OVCH1: variants seen among roughly 807,000 people sequenced by gnomAD.
The protein encoded by OVCH1 is ovochymase-1.
OVCH1 carries 139 observed loss-of-function variants against 138.4 expected under a neutral mutation model. The observed-to-expected ratio is 1.00, with a 90% CI of 0.87 to 1.16. The LOEUF (loss-of-function observed/expected upper bound fraction) is 1.16. Among genes scored for constraint, OVCH1 ranks in the 50% most tolerant of loss-of-function variants. The pLI, the probability that OVCH1 is intolerant of heterozygous loss-of-function variation, is 0.00. For missense variants in OVCH1, 1,367 were observed against 1,357.9 expected (o/e 1.01, Z -0.11); for synonymous variants, 453 against 467.8 (o/e 0.97, Z 0.41).
At chr12:29,456,127 T>C (rs754473246) in intron 19 of OVCH1, among the ~76,000 whole-genome samples, 3 of 152,230 alleles carry the variant, frequency 2.0e-5, no homozygotes, top group Non-Finnish European at 2.9e-5. Flanking sequence ...TAATTTAACT[T>C]ACTAGGATAT....
downstream of OVCH1, among the ~76,000 whole-genome samples, chr12:29,407,981 C>G (rs549710588): frequency 1.4e-5 from 2 of 142,248 alleles, no homozygotes; most frequent in Non-Finnish European, 3.2e-5. Flanking sequence ...CTTTTATTTC[C>G]TTGAGCAGTG....
At chr12:29,409,518 C>T (rs1008568238), downstream of OVCH1, among the ~76,000 whole-genome samples, 4 of 151,832 alleles carry the variant, frequency 2.6e-5, no homozygotes, top group African/African-American at 7.3e-5. Context: ...TCTTTGTTCT[C>T]ATTGGTTTCA....
At chr12:29,461,434 A>G (rs1433789133) in intron 19 of OVCH1, among the ~76,000 whole-genome samples, 1 of 152,224 alleles carries the variant, frequency 6.6e-6, no homozygotes, top group African/African-American at 2.4e-5. Context: ...TGGAAAATTA[A>G]GTGAGAGTAC....
chr12:29,463,946 T>G (rs918887808), intron 18 of OVCH1, among the ~76,000 whole-genome samples: 1 of 152,194 alleles, frequency 6.6e-6, no homozygotes, highest in Non-Finnish European at 1.5e-5. Flanking sequence ...ACTGTTTTAC[T>G]AAGCCTTTAA....
chr12:29,415,662 C>G (rs893628660), intron 3 of OVCH1, among the ~76,000 whole-genome samples: 3 of 152,072 alleles, frequency 2.0e-5, no homozygotes, highest in Non-Finnish European at 1.5e-5. Flanking sequence ...CAAAGAAGAT[C>G]TAAATAAGTG....
intron 9 of OVCH1, among the ~76,000 whole-genome samples, 187 bp downstream of exon 10, chr12:29,478,648 G>A (rs923838714): frequency 6.6e-6 from 1 of 151,950 alleles, no homozygotes; most frequent in African/African-American, 2.4e-5. Context: ...TAGAATAAAA[G>A]AAATTTTATT....
chr12:29,416,075 A>G (rs1941027052), intron 3 of OVCH1, among the ~76,000 whole-genome samples: 1 of 83,276 alleles, frequency 1.2e-5, no homozygotes. Context: ...ACCACAAAAA[A>G]AGCAAAAAAA....
downstream of OVCH1, among the ~76,000 whole-genome samples, chr12:29,409,595 A>G (rs933209554): frequency 1.3e-5 from 2 of 151,988 alleles, no homozygotes; most frequent in African/African-American, 4.8e-5. Flanking sequence ...CAGGTTGTTC[A>G]GTTTCTCTGT....
downstream of OVCH1, among the ~76,000 whole-genome samples, chr12:29,425,760 A>C (rs1941170568): frequency 6.6e-6 from 1 of 152,214 alleles, no homozygotes; most frequent in African/African-American, 2.4e-5. Context: ...ATAATGGTAA[A>C]TATTTAATAA....
At chr12:29,492,996 C>T (rs1943313212) in intron 4 of OVCH1, among the ~76,000 whole-genome samples, 1 of 152,148 alleles carries the variant, frequency 6.6e-6, no homozygotes, top group East Asian at 1.9e-4. Flanking sequence ...AATTTAGCAA[C>T]ATAGAGGTCA....
chr12:29,446,282 G>C (rs11608561), intron 22 of OVCH1, among the ~76,000 whole-genome samples: 2,074 of 152,130 alleles, frequency 0.014, 26 homozygotes, highest in Non-Finnish European at 0.021. Context: ...GAGGAGATTA[G>C]AGCCAAGAAA....
the OVCH1 span, among the ~76,000 whole-genome samples, chr12:29,407,198 GGATATTA>G: frequency 6.9e-6 from 1 of 145,294 alleles, no homozygotes; most frequent in Non-Finnish European, 1.5e-5. Flanking sequence ...TGTAGATTCT[GGATATTA>G]GCCCTTTGTC....
chr12:29,485,969 AAAATAAATAAATAAAT>A (rs60243865), intron 8 of OVCH1, among the ~76,000 whole-genome samples: 52 of 136,358 alleles, frequency 3.8e-4, no homozygotes, highest in South Asian at 3.7e-3. Flanking sequence ...AAAATAAAAT[AAAATAAATAAATAAAT>A]AAATAAATAA....
chr12:29,436,456 C>T (rs1052168921), intron 26 of OVCH1, among the ~76,000 whole-genome samples: 20 of 152,104 alleles, frequency 1.3e-4, no homozygotes, highest in African/African-American at 4.8e-4. Flanking sequence ...TTTAAAAAGG[C>T]CAAATATTAT....
At chr12:29,418,919 A>G (rs946182432) in intron 3 of OVCH1, among the ~76,000 whole-genome samples, 1 of 152,226 alleles carries the variant, frequency 6.6e-6, no homozygotes, top group South Asian at 2.1e-4. Context: ...GTACACAGGT[A>G]TAATCATAGC....
intron 14 of OVCH1, 35 bp downstream of exon 14, chr12:29,475,026 A>G (rs1205612434): frequency 1.9e-6 from 3 of 1,559,350 alleles, no homozygotes; most frequent in Admixed American, 1.9e-5. Context: ...ATTTGCATAA[A>G]CAAAAGTCCT....
At chr12:29,490,033 G>A (rs936214430) in intron 5 of OVCH1, among the ~76,000 whole-genome samples, 3 of 152,032 alleles carry the variant, frequency 2.0e-5, no homozygotes, top group African/African-American at 4.8e-5. Flanking sequence ...TTCCCCAAAA[G>A]AGGAAAACTT....
intron 9 of OVCH1, among the ~76,000 whole-genome samples, chr12:29,478,311 G>C (rs1242066436): frequency 1.3e-5 from 2 of 152,178 alleles, no homozygotes; most frequent in Non-Finnish European, 2.9e-5. Context: ...AGTGCTGGTA[G>C]AGATTATCTC....
At chr12:29,459,441 A>G (rs1217725022) in intron 19 of OVCH1, among the ~76,000 whole-genome samples, 3 of 152,162 alleles carry the variant, frequency 2.0e-5, no homozygotes, top group African/African-American at 7.2e-5. Flanking sequence ...TCAAAACAAC[A>G]TAACTCATGG....
Sources: allele counts gnomAD v4.1 joint callset (sites outside exome capture counted in the v4.1 genomes callset), GRCh38; gene constraint gnomAD v4.1.1; transcripts MANE v1.5; gene names NCBI Gene and HGNC (gene_info 2026-07-23, HGNC 2026-07-21).